AMOTL1: variants seen among roughly 807,000 people sequenced by gnomAD.
AMOTL1 encodes the protein angiomotin like 1.
In AMOTL1, 45 loss-of-function variants were observed where a neutral mutation model predicts 102.9. The observed-to-expected ratio is 0.44, with a 90% confidence interval of 0.34 to 0.56. AMOTL1 has a LOEUF of 0.56. AMOTL1 is among the 20% of genes least tolerant of loss of function. AMOTL1 has a pLI of 0.01. For missense variants in AMOTL1, 1,114 were observed against 1,225.6 expected, an observed-to-expected ratio of 0.91 and a Z score of 1.36; for synonymous variants, 481 against 484.7, an observed-to-expected ratio of 0.99 and a Z score of 0.10.
Position 94,845,009 on chromosome 11 carries a change from GTCCT to G in AMOTL1, c.1649-5104_1649-5101del, listed in dbSNP as rs1411070319. Among the ~76,000 whole-genome samples the G allele has an allele frequency of 2.3e-4, 35 of 152,328 alleles. No homozygotes were observed. The East Asian group carries it at 6.0e-3, about 26-fold the overall frequency. On this transcript the variant is annotated intron_variant, in intron 6 of 12. Transcript: ENST00000433060. ...GGAAGTGCTGGCTTACAGGTTTGCT[GTCCT>G]CAGAAGCCCCAGCCATAAGTGGGAG...
chr11:94,735,994 C>A lies in AMOTL1; in HGVS notation c.86-4944C>A, dbSNP rs566627442. Among the ~76,000 whole-genome samples the A allele has an allele frequency of 1.5e-3, 235 of 152,296 alleles. 3 individuals are homozygous for A. Among genetic ancestry groups the A allele is most frequent in the Admixed American group, 4.0e-3 (61 of 15,300 alleles). On this transcript the variant is annotated intron_variant, in intron 2 of 4. Transcript: ENST00000299004. Reference sequence around the variant, plus strand: ...TATATCATGGCAATAGTAACAGTGACCATTAGACACCAGGCCCCTGTATAA... The same window carrying A: ...TATATCATGGCAATAGTAACAGTGAACATTAGACACCAGGCCCCTGTATAA...
chr11:94,763,815 A>T (rs1950823540), upstream of AMOTL1, among the ~76,000 whole-genome samples: 1 of 152,122 alleles, frequency 6.6e-6, no homozygotes, highest in South Asian at 2.1e-4. Flanking sequence ...AGGGTGGCAG[A>T]GGTGGAGGAA....
rs1422646440 is a variant in AMOTL1, at chr11:94,808,578, CT to C, written c.1121+8269del. On this transcript the variant is annotated intron_variant, in intron 3 of 12. Coordinates refer to ENST00000433060, the MANE Select transcript of AMOTL1 (RefSeq NM_130847.3). Reference sequence around the variant, plus strand: ...TGTGGCTTGCTGATCACCATTCATGCTTGAGAATCTGGGGACCCCAGAGTGG... The same window carrying C: ...TGTGGCTTGCTGATCACCATTCATGCTGAGAATCTGGGGACCCCAGAGTGG... Among the ~76,000 whole-genome samples, 5 of 152,206 alleles carry C rather than the reference CT, an allele frequency of 3.3e-5. No homozygotes were observed. The East Asian group carries it at 9.7e-4, about 29-fold the overall frequency.
intron 6 of AMOTL1, among the ~76,000 whole-genome samples, chr11:94,837,755 C>G (rs1398392000): frequency 6.6e-6 from 1 of 152,208 alleles, no homozygotes; most frequent in Non-Finnish European, 1.5e-5. Flanking sequence ...GTGTTGATGT[C>G]TGGCCTTTAA....
intron 3 of AMOTL1, among the ~76,000 whole-genome samples, chr11:94,802,969 G>A (rs1232857399): frequency 6.6e-6 from 1 of 152,200 alleles, no homozygotes; most frequent in African/African-American, 2.4e-5. Context: ...GATCGTGATG[G>A]TTTAGGAAGC....
In AMOTL1 at chr11:94,799,924, A is replaced by G. The variant is rs1951441556; in HGVS notation, c.734A>G (p.His245Arg). Residue 245 changes from histidine (H) to arginine (R), a missense_variant, in exon 3 of 13, where the codon CAT becomes CGT. Physicochemically the swap from His to Arg is conservative, Grantham distance 29. Coordinates refer to ENST00000433060, the MANE Select transcript of AMOTL1 (RefSeq NM_130847.3). This position sits in a 1 kb window ranked among gnomAD's most constrained non-coding sequence, Gnocchi z 4.5. ...AACCGTGCCAACAGTGGACAGGCGC[A>G]TAAGGACGAGGCGCTGAAGGAACTG... is the stretch of plus-strand genomic sequence containing the variant. ...TVNRANSGQA[H>R]KDEALKELKQ... 1 of 1,612,088 alleles carries G rather than the reference A, an allele frequency of 6.2e-7. No homozygotes were observed. Among genetic ancestry groups the G allele is most frequent in the Non-Finnish European group, 8.5e-7 (1 of 1,178,942 alleles).
intron 1 of AMOTL1, among the ~76,000 whole-genome samples, chr11:94,784,363 G>A (rs1405987940): frequency 6.6e-6 from 1 of 152,122 alleles, no homozygotes; most frequent in African/African-American, 2.4e-5. Flanking sequence ...TCATGTTGTT[G>A]AAATGAGTGT....
At chr11:94,781,783 C>T (rs796739212) in intron 1 of AMOTL1, among the ~76,000 whole-genome samples, 7 of 151,220 alleles carry the variant, frequency 4.6e-5, no homozygotes, top group Admixed American at 6.6e-5. Flanking sequence ...TGCAGTGAGC[C>T]GAGATCGTGC....
Position 94,815,862 on chromosome 11 carries a change from G to C in AMOTL1, c.1122-5668G>C, listed in dbSNP as rs146084930. 3.6e-3 allele frequency among the ~76,000 whole-genome samples: 552 copies of C among 152,144 alleles called. 9 individuals carry two copies. Among genetic ancestry groups the C allele is most frequent in the African/African-American group, 0.012 (499 of 41,546 alleles). On this transcript the variant is annotated intron_variant, in intron 3 of 12. Coordinates refer to ENST00000433060, the MANE Select transcript of AMOTL1 (RefSeq NM_130847.3). ...ACTGGTTAAGAAAGAGGGATATTCA[G>C]GACAAACCAGAAAGTCCACGTATGC... is the stretch of plus-strand genomic sequence containing the variant.
chr11:94,810,424 A>C (rs1951653987), intron 3 of AMOTL1, among the ~76,000 whole-genome samples: 1 of 151,532 alleles, frequency 6.6e-6, no homozygotes, highest in African/African-American at 2.4e-5. Flanking sequence ...ACATTTCTCT[A>C]AGTGTCTAAA....
chr11:94,789,514 G>C (rs972491097), intron 1 of AMOTL1, among the ~76,000 whole-genome samples: 2 of 152,208 alleles, frequency 1.3e-5, no homozygotes, highest in African/African-American at 4.8e-5. Context: ...AGGCACTGCT[G>C]CCTGTCAGTG....
At chr11:94,736,500 C>T (rs1350835936) in intron 2 of AMOTL1, among the ~76,000 whole-genome samples, 1 of 152,190 alleles carries the variant, frequency 6.6e-6, no homozygotes, top group Non-Finnish European at 1.5e-5. Flanking sequence ...GATCCACCTG[C>T]CTCTGCCTCC....
At chr11:94,725,977 TG>T (rs758247162) in intron 1 of AMOTL1, among the ~76,000 whole-genome samples, 12 of 152,158 alleles carry the variant, frequency 7.9e-5, no homozygotes, top group Non-Finnish European at 1.5e-4. Flanking sequence ...AGGGACTCAC[TG>T]AAGTTGTCAT....
chr11:94,766,178 T>C (rs1476643654), upstream of AMOTL1, among the ~76,000 whole-genome samples: 1 of 152,238 alleles, frequency 6.6e-6, no homozygotes, highest in Admixed American at 6.5e-5. Context: ...TCCAAAGATA[T>C]GGTATCTCTC....
chr11:94,831,551 C>T lies in AMOTL1; in HGVS notation c.1648+10C>T. The T allele has an allele frequency of 6.2e-7, 1 of 1,606,530 alleles. No homozygotes were observed. The highest frequency in any genetic ancestry group is 1.1e-5 in the South Asian group (1 of 89,568). Reference sequence around the variant, plus strand: ...CATTATGCTTCCCAGAGTGAGTCTCCACTTATTTATTATCCCAAAGTTTGT... The same window carrying T: ...CATTATGCTTCCCAGAGTGAGTCTCTACTTATTTATTATCCCAAAGTTTGT... On this transcript the variant is annotated intron_variant, in intron 6 of 12. Transcript: ENST00000433060.
chr11:94,725,113 G>A (rs1305833602), intron 1 of AMOTL1, among the ~76,000 whole-genome samples: 1 of 152,170 alleles, frequency 6.6e-6, no homozygotes, highest in Non-Finnish European at 1.5e-5. Context: ...TTAGGTGGCA[G>A]GAGTATCCTG....
chr11:94,861,800 T>C (rs1952779408), intron 9 of AMOTL1, among the ~76,000 whole-genome samples: 1 of 152,180 alleles, frequency 6.6e-6, no homozygotes, highest in Admixed American at 6.5e-5. Context: ...AGATGTCTGT[T>C]TGGGATCCTG....
chr11:94,864,263 A>G (rs1952833219), intron 9 of AMOTL1, among the ~76,000 whole-genome samples: 2 of 152,036 alleles, frequency 1.3e-5, no homozygotes, highest in Non-Finnish European at 2.9e-5. Context: ...TAATAATAAT[A>G]ATAATAATAA....
chr11:94,740,926 C>A, intron 2 of AMOTL1: 3 of 1,288,972 alleles, frequency 2.3e-6, no homozygotes, highest in Non-Finnish European at 3.0e-6. Context: ...TTCTGCTTTT[C>A]TTCTCCCCCA....
Sources: gnomAD v4.1 joint callset for allele counts (sites outside exome capture counted in the v4.1 genomes callset) on GRCh38, gnomAD v4.1.1 for gene constraint, Gnocchi (gnomAD v3.1) non-coding constraint, MANE v1.5 for transcripts, NCBI Gene and HGNC (gene_info 2026-07-23, HGNC 2026-07-21) for gene names.